The following BRCA1 variants were observed in gnomAD, a reference collection of about 807,000 sequenced individuals.
BRCA1 encodes the protein breast cancer type 1 susceptibility protein.
BRCA1 carries 140 observed loss-of-function variants against 173.7 expected under a neutral mutation model. That is an observed-to-expected ratio of 0.81 (90% CI 0.70 to 0.93). The LOEUF is 0.93. Among genes scored for constraint, BRCA1 ranks in the 40% least tolerant of loss-of-function variants. The pLI, the probability that BRCA1 is intolerant of heterozygous loss-of-function variation, is 0.00. For missense variants in BRCA1, 1,983 were observed against 2,172.5 expected, an observed-to-expected ratio of 0.91 and a Z score of 1.73; for synonymous variants, 662 against 756.0, an observed-to-expected ratio of 0.88 and a Z score of 2.04.
intron 6 of BRCA1, among the ~76,000 whole-genome samples, chr17:43,100,594 ATT>A (rs1491496749): frequency 0.019 from 390 of 20,688 alleles, 23 homozygotes; most frequent in Non-Finnish European, 0.084. Flanking sequence ...ACATATATAT[ATT>A]ATATATATAT....
At chr17:43,146,233 A>G (rs182665785) in intron 1 of BRCA1, among the ~76,000 whole-genome samples, 9 of 151,968 alleles carry the variant, frequency 5.9e-5, no homozygotes, top group African/African-American at 2.2e-4. Context: ...CCAAATTTTA[A>G]GCTGGAAAGT....
rs80356891 is a variant in BRCA1, at chr17:43,094,179, G to A, written c.1352C>T (p.Ser451Leu). ...TTTGTCTTCAATATTACTCTCTACT[G>A]ATTTGGAGTGAACTCTTTCACTTTT... ...ICKSERVHSK[S>L]VESNIEDKIF... is the part of the protein sequence containing the mutation. The change falls in exon 10 of 23, where the codon TCA becomes TTA. Residue 451 changes from serine (S) to leucine (L), a missense_variant. Ser to Leu is a moderately radical substitution (Grantham distance 145, BLOSUM62 -2). Transcript: ENST00000357654. The A allele has an allele frequency of 1.2e-6, 2 of 1,613,988 alleles. No individual in the cohort carries two copies. Among genetic ancestry groups the A allele is most frequent in the Non-Finnish European group, 1.7e-6 (2 of 1,180,004 alleles).
chr17:43,134,226 A>G (rs1044297993), intron 1 of BRCA1, among the ~76,000 whole-genome samples: 2 of 152,136 alleles, frequency 1.3e-5, no homozygotes, highest in African/African-American at 4.8e-5. Context: ...CCATTTGTGG[A>G]AACATGCATT....
intron 1 of BRCA1, among the ~76,000 whole-genome samples, chr17:43,149,047 G>A (rs1398858228): frequency 6.6e-6 from 1 of 152,060 alleles, no homozygotes; most frequent in Non-Finnish European, 1.5e-5. Context: ...TAATGGTGCA[G>A]TATTTGAATA....
rs41293465 is a variant in BRCA1 at position 43,045,767 on chromosome 17, G to A, written c.5503C>T (p.Arg1835Ter). 1.2e-5 allele frequency: 20 copies of A among 1,614,028 alleles called. No homozygotes were observed. The highest frequency in any genetic ancestry group is 3.3e-5 in the South Asian group (3 of 91,068). The change falls in exon 23 of 23, where the codon CGA (arginine) becomes TGA (stop). Residue 1835 changes from arginine (R) to a stop codon, truncating the protein, a stop_gained. Transcript: ENST00000357654. LOFTEE classifies it high-confidence loss of function. Reference protein sequence around the residue: ...GQMCEAPVVTREWVLDSVALY... With the variant: ...GQMCEAPVVT Reference sequence around the variant, plus strand: ...GCTACACTGTCCAACACCCACTCTCGGGTCACCACAGGTGCCTCACACATC... The same window carrying A: ...GCTACACTGTCCAACACCCACTCTCAGGTCACCACAGGTGCCTCACACATC...
chr17:43,079,919 T>A, intron 12 of BRCA1: 1 of 623,954 alleles, frequency 1.6e-6, no homozygotes. Flanking sequence ...AGATAACTTG[T>A]TAGAAGTTAA....
intron 11 of BRCA1, among the ~76,000 whole-genome samples, chr17:43,090,663 G>A (rs908171879): frequency 1.3e-5 from 2 of 152,112 alleles, no homozygotes; most frequent in African/African-American, 4.8e-5. Flanking sequence ...AATGGGTTTC[G>A]AAGGTTTAGC....
At chr17:43,129,462 G>A (rs1240908865), upstream of BRCA1, among the ~76,000 whole-genome samples, 2 of 152,030 alleles carry the variant, frequency 1.3e-5, no homozygotes, top group Non-Finnish European at 2.9e-5. Context: ...GTAGGGAAGT[G>A]TGTTTCTTTT....
intron 6 of BRCA1, among the ~76,000 whole-genome samples, chr17:43,100,687 A>AACATATATATATATATAT (rs2054427233): frequency 1.2e-5 from 1 of 83,298 alleles, no homozygotes; most frequent in African/African-American, 1.1e-4. Context: ...TAATATATAT[A>AACATATATATATATATAT]TATATATATA....
chr17:43,125,142 C>G (rs1418816948), intron 1 of BRCA1, 129 bp downstream of exon 1: 7 of 453,244 alleles, frequency 1.5e-5, no homozygotes, highest in African/African-American at 4.1e-5. Context: ...CAACGCCTTA[C>G]GCCTCTCAGG....
intron 16 of BRCA1, 26 bp downstream of exon 16, chr17:43,067,582 G>T (rs2052152396): frequency 1.3e-6 from 2 of 1,560,672 alleles, no homozygotes; most frequent in Non-Finnish European, 1.8e-6. Context: ...CAGATGCAAG[G>T]TATTCTGTAA....
rs1567807691 is a variant in BRCA1 at position 43,100,675 on chromosome 17, TA to T, written c.442-796del. Among the ~76,000 whole-genome samples the T allele has an allele frequency of 4.5e-4, 7 of 15,548 alleles. 1 individual carries two copies. Among genetic ancestry groups the T allele is most frequent in the African/African-American group, 2.7e-3 (6 of 2,182 alleles). The allele number at this position is 15,548 out of a possible 152,430, so 10.2% of individuals were successfully genotyped here. Reference sequence around the variant, plus strand: ...TATATAACATATATATATATATATATATAATATATATATATATATATATATA... The same window carrying T: ...TATATAACATATATATATATATATATTAATATATATATATATATATATATA... On this transcript the variant is annotated intron_variant, in intron 6 of 22. Transcript: ENST00000357654.
At chr17:43,120,795 G>A (rs2055515876) in intron 2 of BRCA1, among the ~76,000 whole-genome samples, 1 of 151,558 alleles carries the variant, frequency 6.6e-6, no homozygotes, top group South Asian at 2.1e-4. Flanking sequence ...TTAATCTTAA[G>A]CCAGGCGCAG....
chr17:43,139,045 A>G lies in BRCA1; in HGVS notation c.-19-14930T>C, dbSNP rs183792025. On this transcript the variant is annotated intron_variant, in intron 1 of 7. Coordinates refer to the BRCA1 transcript ENST00000634433. ...CCTTTTTGTTTGAAATATCTAGAGT[A>G]ATTTCTGTTTTCCTATCTGGGGTAG... is the stretch of plus-strand genomic sequence containing the variant. The G allele has an allele frequency of 3.5e-5, 25 of 721,042 alleles. No individual in the cohort carries two copies. The Admixed American group carries it at 4.8e-4, about 14-fold the overall frequency. The allele number at this position is 721,042 out of a possible 1,614,324, so 44.7% of individuals were successfully genotyped here.
Position 43,108,095 on chromosome 17 carries a change from A to T in BRCA1, c.135-1562T>A, listed in dbSNP as rs542209256. On this transcript the variant is annotated intron_variant, in intron 3 of 22. Transcript: ENST00000357654. ...CACGGTGGTCCACACCTGTAATCCCAGCACTTGCGGGGTGGGTGAATCACT... is the reference window on the plus strand; with the variant it reads ...CACGGTGGTCCACACCTGTAATCCCTGCACTTGCGGGGTGGGTGAATCACT... 1.2e-3 allele frequency among the ~76,000 whole-genome samples: 183 copies of T among 152,290 alleles called. 1 individual carries two copies. Among genetic ancestry groups the T allele is most frequent in the South Asian group, 4.1e-3 (20 of 4,828 alleles).
intron 18 of BRCA1, 152 bp from the exon 19 acceptor site, chr17:43,057,287 A>C: frequency 1.3e-6 from 1 of 748,496 alleles, no homozygotes; most frequent in South Asian, 1.4e-5. Flanking sequence ...AGGCAGGCAG[A>C]TCACTTGAGG....
chr17:43,093,677 C>T lies in BRCA1; in HGVS notation c.1854G>A (p.Arg618=), dbSNP rs1060504585. 5.0e-6 allele frequency: 8 copies of T among 1,614,026 alleles called. No individual in the cohort carries two copies. Among genetic ancestry groups the T allele is most frequent in the South Asian group, 1.1e-5 (1 of 91,078 alleles). The stretch of plus-strand genomic sequence containing the variant: ...CTACTAGTTCAAGCGCATGAATATG[C>T]CTGGTAGAAGACTTCCTCCTCAGCC... ...KNRLRRKSST[R]HIHALELVVS... is the part of the protein sequence containing the mutation. Residue 618 remains arginine (R), a synonymous_variant, in exon 10 of 23, where the codon AGG becomes AGA. Coordinates refer to ENST00000357654, the MANE Select transcript of BRCA1 (RefSeq NM_007294.4).
intron 1 of BRCA1, chr17:43,168,253 T>C (rs2056280891): frequency 4.8e-6 from 2 of 417,910 alleles, no homozygotes; most frequent in African/African-American, 2.1e-5. Context: ...AATCTATCTC[T>C]TTCTGTTCCA....
intron 6 of BRCA1, among the ~76,000 whole-genome samples, chr17:43,102,357 CTTT>C (rs35584960): frequency 1.1e-5 from 1 of 93,190 alleles, no homozygotes; most frequent in Non-Finnish European, 2.0e-5. Context: ...AGGCGTGAAG[CTTT>C]TTTTTTTTTT....
Sources: allele counts gnomAD v4.1 joint callset (sites outside exome capture counted in the v4.1 genomes callset), GRCh38; gene constraint gnomAD v4.1.1; transcripts MANE v1.5; gene names NCBI Gene and HGNC (gene_info 2026-07-23, HGNC 2026-07-21).